Variants in NRXN1 observed in about 807,000 individuals in gnomAD.
NRXN1 encodes the protein neurexin 1, also known as neurexin-1.
NRXN1 carries 39 observed loss-of-function variants against 150.9 expected under a neutral mutation model. The observed-to-expected ratio is 0.26, with a 90% confidence interval of 0.20 to 0.34. NRXN1 has a LOEUF of 0.34. NRXN1 is among the 10% of genes least tolerant of loss of function. The pLI is 1.00. For missense variants in NRXN1, 1,815 were observed against 1,949.9 expected (o/e 0.93, Z 1.30); for synonymous variants, 924 against 757.0 (o/e 1.22, Z -3.62).
chr2:50,241,561 A>T (rs1001450295), intron 17 of NRXN1, among the ~76,000 whole-genome samples: 4 of 151,840 alleles, frequency 2.6e-5, no homozygotes, highest in African/African-American at 9.7e-5. Context: ...CTCCACATTT[A>T]AGCTGTGCAG....
At chr2:50,595,510 C>G (rs79661490) in intron 8 of NRXN1, among the ~76,000 whole-genome samples, 7 of 151,902 alleles carry the variant, frequency 4.6e-5, no homozygotes, top group Admixed American at 4.6e-4. Context: ...AGCACTAAAT[C>G]ACAGATAAGA....
chr2:49,968,772 C>T (rs1289514182), intron 21 of NRXN1, among the ~76,000 whole-genome samples: 1 of 152,042 alleles, frequency 6.6e-6, no homozygotes, highest in Admixed American at 6.6e-5. Context: ...AATATATTGA[C>T]AAGACAATGA....
At chr2:50,212,495 C>A (rs1159488501) in intron 18 of NRXN1, among the ~76,000 whole-genome samples, 1 of 151,544 alleles carries the variant, frequency 6.6e-6, no homozygotes, top group Non-Finnish European at 1.5e-5. Flanking sequence ...TATACACAGC[C>A]TCCAGGAAAG....
At chr2:50,120,449 T>C (rs1429387153) in intron 18 of NRXN1, among the ~76,000 whole-genome samples, 1 of 152,158 alleles carries the variant, frequency 6.6e-6, no homozygotes. Flanking sequence ...CTATTTATAG[T>C]TTATTTTTAG....
chr2:50,215,848 A>C (rs1173010262), intron 18 of NRXN1, among the ~76,000 whole-genome samples: 2 of 152,094 alleles, frequency 1.3e-5, no homozygotes, highest in Admixed American at 1.3e-4. Flanking sequence ...TGCTTTGCCC[A>C]ACCATATAGC....
At chr2:50,931,866 AT>A (rs903945503) in intron 2 of NRXN1, among the ~76,000 whole-genome samples, 21 of 149,386 alleles carry the variant, frequency 1.4e-4, no homozygotes, top group East Asian at 2.0e-4. Context: ...TTAAAATATT[AT>A]TTTTTTTTTC....
intron 18 of NRXN1, among the ~76,000 whole-genome samples, chr2:50,095,280 T>G (rs1700072213): frequency 6.6e-6 from 1 of 152,192 alleles, no homozygotes; most frequent in Admixed American, 6.5e-5. Flanking sequence ...ACTTCCCTGG[T>G]GGTTAGAAAG....
chr2:50,981,434 G>A (rs1696778250), intron 2 of NRXN1, among the ~76,000 whole-genome samples: 1 of 126,300 alleles, frequency 7.9e-6, no homozygotes, highest in African/African-American at 3.4e-5. Flanking sequence ...GTCCAGCCTG[G>A]GTGACAGATA....
Position 50,538,285 on chromosome 2 carries a change from C to G in NRXN1, c.2111G>C (p.Gly704Ala). Residue 704 changes from glycine to alanine, a missense_variant, in exon 10 of 23, where the codon GGA (glycine) becomes GCA (alanine). Coordinates refer to ENST00000401669, the MANE Select transcript of NRXN1 (RefSeq NM_001330078.2). ...GWNRYVCDCS[G>A]TGYLGRSCER... is the part of the protein sequence containing the mutation. ...ACAGGACCTGCCAAGATAGCCTGTTCCGGAACAATCACAGACATATCTGTT... is the reference window on the plus strand; with the variant it reads ...ACAGGACCTGCCAAGATAGCCTGTTGCGGAACAATCACAGACATATCTGTT... The G allele has an allele frequency of 6.2e-7, 1 of 1,613,442 alleles. No homozygotes were observed. The highest frequency in any genetic ancestry group is 2.2e-5 in the East Asian group (1 of 44,856).
At chr2:49,926,193 A>C (rs1669076497) in intron 22 of NRXN1, 1 of 395,252 alleles carries the variant, frequency 2.5e-6, no homozygotes, top group Non-Finnish European at 4.5e-6. Context: ...GACCCATTTC[A>C]TATTTATATT....
intron 5 of NRXN1, among the ~76,000 whole-genome samples, chr2:50,866,431 T>A (rs1405313190): frequency 6.6e-6 from 1 of 151,980 alleles, no homozygotes; most frequent in Non-Finnish European, 1.5e-5. Flanking sequence ...TTGTGATAAC[T>A]GGGCAAGTGA....
In NRXN1 at chr2:50,114,416, A is replaced by T. The variant is rs558191362; in HGVS notation, c.3547-22922T>A. On this transcript the variant is annotated intron_variant, in intron 18 of 22. Transcript: ENST00000401669. ...CTCATTCATTGTCAGTGGAAATGCA[A>T]AGCAATACAGTTACTTTGGAAGACA... Among the ~76,000 whole-genome samples, 5 of 152,228 alleles carry T rather than the reference A, an allele frequency of 3.3e-5. No homozygotes were observed. In the South Asian group the frequency reaches 1.0e-3, roughly 32 times the overall value.
intron 21 of NRXN1, among the ~76,000 whole-genome samples, chr2:49,995,385 A>C (rs1199474983): frequency 1.3e-5 from 2 of 152,180 alleles, no homozygotes; most frequent in African/African-American, 4.8e-5. Context: ...TCTGAGCCCT[A>C]AGTTTGCCTT....
chr2:50,402,146 T>A (rs923455449), intron 17 of NRXN1, among the ~76,000 whole-genome samples: 4 of 152,086 alleles, frequency 2.6e-5, no homozygotes, highest in Admixed American at 6.6e-5. Flanking sequence ...ATAAAATTAA[T>A]CTGTAGCAGA....
intron 17 of NRXN1, among the ~76,000 whole-genome samples, chr2:50,266,852 C>G (rs910760750): frequency 1.3e-5 from 2 of 152,136 alleles, no homozygotes; most frequent in Non-Finnish European, 2.9e-5. Context: ...GAGCATAACT[C>G]CATTCACCTA....
Position 49,997,158 on chromosome 2 carries a change from G to A in NRXN1, c.4129-53367C>T, listed in dbSNP as rs534027437. Among the ~76,000 whole-genome samples, 28 of 152,196 alleles carry A rather than the reference G, an allele frequency of 1.8e-4. No individual in the cohort carries two copies. The Middle Eastern group carries it at 0.01, about 55-fold the overall frequency. On this transcript the variant is annotated intron_variant, in intron 21 of 22. Coordinates refer to ENST00000401669, the MANE Select transcript of NRXN1 (RefSeq NM_001330078.2). ...TGAAATACCAATGGGTCAACACGGT[G>A]GGTGGACAGTTGGAGATGGAAATTC...
At chr2:50,311,092 G>T (rs1461864619) in intron 17 of NRXN1, among the ~76,000 whole-genome samples, 1 of 152,076 alleles carries the variant, frequency 6.6e-6, no homozygotes, top group African/African-American at 2.4e-5. Context: ...TAATGTGGGA[G>T]AAATAAGCTA....
chr2:50,796,445 G>GCT (rs1005793905), intron 5 of NRXN1, among the ~76,000 whole-genome samples: 3 of 151,900 alleles, frequency 2.0e-5, no homozygotes, highest in East Asian at 1.9e-4. Context: ...GAATGAACCC[G>GCT]CTCTCTCTCT....
intron 8 of NRXN1, among the ~76,000 whole-genome samples, chr2:50,598,564 G>A (rs12619580): frequency 0.36 from 35,078 of 97,728 alleles, 4,383 homozygotes; most frequent in East Asian, 0.52. Flanking sequence ...ATATATATAT[G>A]TGTGTGTGTG....
Sources: gnomAD v4.1 joint callset for allele counts (sites outside exome capture counted in the v4.1 genomes callset) on GRCh38, gnomAD v4.1.1 for gene constraint, MANE v1.5 for transcripts, NCBI Gene and HGNC (gene_info 2026-07-23, HGNC 2026-07-21) for gene names.